MUC3A: variants seen among roughly 807,000 people sequenced by gnomAD.
The protein encoded by MUC3A is mucin 3A, cell surface associated, also known as mucin-3A.
In MUC3A, 109 loss-of-function variants were observed where a neutral mutation model predicts 109.0. The ratio of observed to expected loss-of-function variants is 1.00; its 90% CI spans 0.86 to 1.17. The LOEUF is 1.17. Ranked by LOEUF, MUC3A falls within the 50% of genes most tolerant of loss-of-function variation. The pLI is 0.00. For missense variants in MUC3A, 3,537 were observed against 2,469.4 expected (o/e 1.43, Z -9.16); for synonymous variants, 1,398 against 981.4 (o/e 1.42, Z -7.93).
intron 1 of MUC3A, 119 bp downstream of exon 1, chr7:100,949,804 C>T: frequency 9.8e-7 from 1 of 1,018,716 alleles, no homozygotes; most frequent in Middle Eastern, 2.9e-4. Flanking sequence ...CCGCTTGGGG[C>T]TCTGGGTGCA....
chr7:100,966,331 C>T (rs1267986835), intron 8 of MUC3A, 55 bp from the exon 9 acceptor site: 5 of 1,278,336 alleles, frequency 3.9e-6, no homozygotes, highest in African/African-American at 1.5e-5. Flanking sequence ...CCCAGGTGCA[C>T]GGGTGGACCC....
In MUC3A at chr7:100,960,435, G is replaced by A. The variant is rs759164409; in HGVS notation, c.8656G>A (p.Val2886Ile). The change falls in exon 2 of 12, where the codon GTC (valine) becomes ATC (isoleucine). Residue 2886 changes from valine to isoleucine, a missense_variant. Coordinates refer to ENST00000379458, the MANE Select transcript of MUC3A (RefSeq NM_005960.2). ...TGTGATCCCCCTACCTCTTCCTGGC[G>A]TCTCTACCATCCCGCTCACCATGAA... ...SSVIPLPLPG[V>I]STIPLTMKPS... is the part of the protein sequence containing the mutation. 5.0e-5 allele frequency: 80 copies of A among 1,598,580 alleles called. No homozygotes were observed. The highest frequency in any genetic ancestry group is 1.2e-4 in the Admixed American group (7 of 60,030).
In MUC3A at chr7:100,953,341, C is replaced by A. The variant is rs1307542259; in HGVS notation, c.1562C>A (p.Pro521His). ...ACTTTTGTAAGTACACTCAGCACTC[C>A]TACAAGTTCCCTCCTGACGACCTTC... is the stretch of plus-strand genomic sequence containing the variant. ...RPTFVSTLST[P>H]TSSLLTTFPA... The change falls in exon 2 of 12, where the codon CCT becomes CAT. Residue 521 changes from proline to histidine, a missense_variant. Pro to His is a moderately conservative substitution (Grantham distance 77, BLOSUM62 -2). Transcript: ENST00000379458. The A allele has an allele frequency of 2.5e-5, 11 of 448,828 alleles. No individual in the cohort carries two copies. The highest frequency in any genetic ancestry group is 4.3e-5 in the Non-Finnish European group (11 of 256,006). 27.8% of individuals were successfully genotyped at this position (448,828 alleles called of 1,614,324 possible).
chr7:100,953,599 C>T lies in MUC3A; in HGVS notation c.1820C>T (p.Thr607Ile). 1 of 437,310 alleles carries T rather than the reference C, an allele frequency of 2.3e-6. No homozygotes were observed. Among genetic ancestry groups the T allele is most frequent in the Non-Finnish European group, 4.0e-6 (1 of 249,514 alleles). 27.1% of individuals were successfully genotyped at this position (437,310 alleles called of 1,614,324 possible). Residue 607 changes from threonine to isoleucine, a missense_variant, in exon 2 of 12, where the codon ACA becomes ATA. Physicochemically the swap from Thr to Ile is moderately conservative, Grantham distance 89 (BLOSUM62 -1). Transcript: ENST00000379458. ...ACCACCTTCACCAGCTCTACAGCCA[C>T]ATTTCCTGAGACCACCACACCGACT... is the stretch of plus-strand genomic sequence containing the variant. ...GQTTFTSSTA[T>I]FPETTTPTPT...
Position 100,965,734 on chromosome 7 carries a change from A to G in MUC3A, c.9479A>G (p.Tyr3160Cys). 6.3e-7 allele frequency: 1 copy of G among 1,598,352 alleles called. No individual in the cohort carries two copies. Among genetic ancestry groups the G allele is most frequent in the Non-Finnish European group, 8.5e-7 (1 of 1,179,750 alleles). Residue 3160 changes from tyrosine (Y) to cysteine (C), a missense_variant, in exon 8 of 12, where the codon TAT (tyrosine) becomes TGT (cysteine). Physicochemically the swap from Tyr to Cys is radical, Grantham distance 194. Transcript: ENST00000379458. ...AICRRAAPTG[Y>C]EEFYFPLVEA... is the part of the protein sequence containing the mutation. Reference sequence around the variant, plus strand: ...TGCCGCCGCGCCGCTCCCACGGGCTATGAAGAGTTCTACTTCCCCTTGGTG... The same window carrying G: ...TGCCGCCGCGCCGCTCCCACGGGCTGTGAAGAGTTCTACTTCCCCTTGGTG...
In MUC3A at chr7:100,957,760, C is replaced by A; in HGVS notation, c.5981C>A (p.Ser1994Tyr). ...TCACACAGTACTCCCAGCTACACTTCTTTGATCACCACAACCACCACCACC... is the reference window on the plus strand; with the variant it reads ...TCACACAGTACTCCCAGCTACACTTATTTGATCACCACAACCACCACCACC... ...TTSHSTPSYT[S>Y]LITTTTTTSH... Residue 1994 changes from serine (S) to tyrosine (Y), a missense_variant, in exon 2 of 12, where the codon TCT becomes TAT. By Grantham distance (144) the Ser-to-Tyr change is moderately radical. Coordinates refer to ENST00000379458, the MANE Select transcript of MUC3A (RefSeq NM_005960.2). The A allele has an allele frequency of 7.4e-7, 1 of 1,353,922 alleles. No homozygotes were observed. 83.9% of individuals were successfully genotyped at this position (1,353,922 alleles called of 1,614,324 possible).
rs1474030295 is a variant in MUC3A, at chr7:100,967,324, A to G, written c.*162A>G. On this transcript the variant is annotated 3_prime_UTR_variant, in exon 12 of 12. Transcript: ENST00000379458. ...CCCAAATCCCATCCTTCTCCTTCCA[A>G]CTTGGCTGAAACCCACCTGGAGACG... The G allele has an allele frequency of 6.6e-6, 8 of 1,219,974 alleles. No individual in the cohort carries two copies. Among genetic ancestry groups the G allele is most frequent in the South Asian group, 1.5e-5 (1 of 68,510 alleles). 75.6% of individuals were successfully genotyped at this position (1,219,974 alleles called of 1,614,324 possible).
In MUC3A at chr7:100,958,138, C is replaced by A; in HGVS notation, c.6359C>A (p.Pro2120His). The change falls in exon 2 of 12, where the codon CCC becomes CAC. Residue 2120 changes from proline to histidine, a missense_variant. Physicochemically the swap from Pro to His is moderately conservative, Grantham distance 77 (BLOSUM62 -2). Transcript: ENST00000379458. ...TCCTCAATCACCACCTCTGAGATGC[C>A]CTCACACAGTACTCCCAGCTTCACT... ...FTSSITTSEM[P>H]SHSTPSFTSS... The A allele has an allele frequency of 3.1e-6, 3 of 965,776 alleles. No homozygotes were observed. The highest frequency in any genetic ancestry group is 2.6e-5 in the Admixed American group (1 of 37,914). 59.8% of individuals were successfully genotyped at this position (965,776 alleles called of 1,614,324 possible). A position where few individuals can be genotyped will look rare whatever the true frequency, so the allele number is the denominator to read the frequency against.
At position 100,957,557 on chromosome 7, in the gene MUC3A, T is replaced by C. The variant is rs946312339; in HGVS notation, c.5778T>C (p.Ser1926=). Residue 1926 remains serine (S), a synonymous_variant, in exon 2 of 12, where the codon TCT becomes TCC. Transcript: ENST00000379458. ...CACACAGTACTCCCAGATTCACTTC[T>C]TCAATCACCACTACCGAGACCCCCT... is the stretch of plus-strand genomic sequence containing the variant. The part of the protein sequence containing the change: ...TPSHSTPRFT[S]SITTTETPSH... 769 of 1,495,578 alleles carry C rather than the reference T, an allele frequency of 5.1e-4. 1 individual carries two copies. The highest frequency in any genetic ancestry group is 3.2e-3 in the Admixed American group (151 of 47,210). 92.6% of individuals were successfully genotyped at this position (1,495,578 alleles called of 1,614,324 possible). A position where few individuals can be genotyped will look rare whatever the true frequency, so the allele number is the denominator to read the frequency against.
In MUC3A at chr7:100,957,867, A is replaced by T. The variant is rs1792143951; in HGVS notation, c.6088A>T (p.Ile2030Phe). 1 of 780,786 alleles carries T rather than the reference A, an allele frequency of 1.3e-6. No individual in the cohort carries two copies. Among genetic ancestry groups the T allele is most frequent in the African/African-American group, 1.7e-5 (1 of 58,350 alleles). The allele number at this position is 780,786 out of a possible 1,614,324, so 48.4% of individuals were successfully genotyped here. The change falls in exon 2 of 12, where the codon ATC (isoleucine) becomes TTC (phenylalanine). Residue 2030 changes from isoleucine to phenylalanine, a missense_variant. By Grantham distance (21) the Ile-to-Phe change is conservative. Transcript: ENST00000379458. ...SHNTPSLTSSITTTETTSHST... is the reference protein window; with the variant it reads ...SHNTPSLTSSFTTTETTSHST... ...CAATACTCCCAGCTTGACTTCTTCG[A>T]TCACAACCACCGAGACCACATCCCA...
At chr7:100,964,627 T>C in intron 5 of MUC3A, 68 bp from the exon 6 acceptor site, 7 of 1,540,964 alleles carry the variant, frequency 4.5e-6, no homozygotes, top group African/African-American at 1.4e-5. Flanking sequence ...GGGTTGCTTC[T>C]GGAGGTGCCC....
In MUC3A at chr7:100,966,520, C is replaced by T. The variant is rs1427349195; in HGVS notation, c.9746C>T (p.Ala3249Val). ...CTGCTGCTGGCGCTGGGCGTCCGGG[C>T]GGTGCGCTCCGGATGGTGGGGCGGC... ...VLLLLALGVR[A>V]VRSGWWGGQR... Residue 3249 changes from alanine to valine, a missense_variant, in exon 9 of 12, where the codon GCG (alanine) becomes GTG (valine). Physicochemically the swap from Ala to Val is moderately conservative, Grantham distance 64 (BLOSUM62 0). Transcript: ENST00000379458. The T allele has an allele frequency of 5.3e-6, 7 of 1,311,074 alleles. No homozygotes were observed. The highest frequency in any genetic ancestry group is 2.3e-4 in the Middle Eastern group (1 of 4,294). The allele number at this position is 1,311,074 out of a possible 1,614,324, so 81.2% of individuals were successfully genotyped here. A position where few individuals can be genotyped will look rare whatever the true frequency, so the allele number is the denominator to read the frequency against.
In MUC3A at chr7:100,967,234, A is replaced by G. The variant is rs1017054600; in HGVS notation, c.*72A>G. On this transcript the variant is annotated 3_prime_UTR_variant, in exon 12 of 12. Transcript: ENST00000379458. ...AAGGGTCTGCATTGCGTCCATTTCAAGAGGTGGCCCCAGGACGCGGGCAGC... is the reference window on the plus strand; with the variant it reads ...AAGGGTCTGCATTGCGTCCATTTCAGGAGGTGGCCCCAGGACGCGGGCAGC... 6.3e-7 allele frequency: 1 copy of G among 1,589,756 alleles called. No individual in the cohort carries two copies. Among genetic ancestry groups the G allele is most frequent in the Non-Finnish European group, 8.5e-7 (1 of 1,174,266 alleles).
rs540064304 is a variant in MUC3A at position 100,959,796 on chromosome 7, A to G, written c.8017A>G (p.Ile2673Val). 4 of 1,594,548 alleles carry G rather than the reference A, an allele frequency of 2.5e-6. No homozygotes were observed. Among genetic ancestry groups the G allele is most frequent in the South Asian group, 2.2e-5 (2 of 90,110 alleles). Residue 2673 changes from isoleucine (I) to valine (V), a missense_variant, in exon 2 of 12, where the codon ATC (isoleucine) becomes GTC (valine). Ile to Val is a conservative substitution (Grantham distance 29). Coordinates refer to ENST00000379458, the MANE Select transcript of MUC3A (RefSeq NM_005960.2). ...TAGGGGAAGTACGTCTACAAATGCAATCTTGACTTCTTTTAGTACCATCAT... is the reference window on the plus strand; with the variant it reads ...TAGGGGAAGTACGTCTACAAATGCAGTCTTGACTTCTTTTAGTACCATCAT... ...FTRGSTSTNA[I>V]LTSFSTIIWS...
chr7:100,959,557 C>T lies in MUC3A; in HGVS notation c.7778C>T (p.Ser2593Phe). The change falls in exon 2 of 12, where the codon TCT (serine) becomes TTT (phenylalanine). Residue 2593 changes from serine to phenylalanine, a missense_variant. By Grantham distance (155) the Ser-to-Phe change is radical. Transcript: ENST00000379458. ...ACGTCAGCCACTGGGACCCAAACAT[C>T]TCCTGCACCTACTACTGTCACCTTT... The part of the protein sequence containing the change: ...VLTSATGTQT[S>F]PAPTTVTFGS... The T allele has an allele frequency of 6.3e-6, 10 of 1,592,688 alleles. No individual in the cohort carries two copies. Among genetic ancestry groups the T allele is most frequent in the Non-Finnish European group, 8.5e-6 (10 of 1,176,940 alleles).
At chr7:100,960,997 C>G in intron 3 of MUC3A, 60 bp downstream of exon 3, 1 of 1,596,784 alleles carries the variant, frequency 6.3e-7, no homozygotes, top group Non-Finnish European at 8.5e-7. Context: ...TGACTCTCCC[C>G]AGACTTATCC....
chr7:100,965,090 G>A (rs587639971), intron 6 of MUC3A, 192 bp from the exon 7 acceptor site: 4 of 1,144,582 alleles, frequency 3.5e-6, no homozygotes, highest in African/African-American at 1.6e-5. Flanking sequence ...TGAAGACCTC[G>A]GATTATTCAG....
rs1175538144 is a variant in MUC3A at position 100,958,066 on chromosome 7, C to T, written c.6287C>T (p.Ser2096Leu). Residue 2096 changes from serine to leucine, a missense_variant, in exon 2 of 12, where the codon TCA becomes TTA. Coordinates refer to ENST00000379458, the MANE Select transcript of MUC3A (RefSeq NM_005960.2). ...CACAGTACTCTCAGCTTCACTTCTT[C>T]AATCACCACCACTGAGACCACCTCA... Reference protein sequence around the residue: ...PSHSTLSFTSSITTTETTSHS... With the variant: ...PSHSTLSFTSLITTTETTSHS... 2.1e-4 allele frequency: 75 copies of T among 357,062 alleles called. No individual in the cohort carries two copies. Among genetic ancestry groups the T allele is most frequent in the African/African-American group, 3.8e-4 (4 of 10,582 alleles). The allele number at this position is 357,062 out of a possible 1,614,324, so 22.1% of individuals were successfully genotyped here.
rs753012302 is a variant in MUC3A, at chr7:100,951,926, C to T, written c.147C>T (p.His49=). ...AASAVLSNSP[H]SRDLAGWPLG... Reference sequence around the variant, plus strand: ...GCGCTGTGCTCAGCAATTCTCCACACTCCAGAGACCTGGCTGGGTGGCCAC... The same window carrying T: ...GCGCTGTGCTCAGCAATTCTCCACATTCCAGAGACCTGGCTGGGTGGCCAC... Residue 49 remains histidine, a synonymous_variant, in exon 2 of 12, where the codon CAC becomes CAT. Transcript: ENST00000379458. 6 of 1,598,506 alleles carry T rather than the reference C, an allele frequency of 3.8e-6. No individual in the cohort carries two copies. The highest frequency in any genetic ancestry group is 1.7e-5 in the Admixed American group (1 of 60,002).
Sources: allele counts gnomAD v4.1 joint callset, GRCh38; gene constraint gnomAD v4.1.1; transcripts MANE v1.5; gene names NCBI Gene and HGNC (gene_info 2026-07-23, HGNC 2026-07-21).